The following GLIPR1L2 variants were observed in gnomAD, a reference collection of about 807,000 sequenced individuals.
GLIPR1L2 encodes GLIPR1 like 2, also known as GLIPR1-like protein 2.
GLIPR1L2 carries 21 observed loss-of-function variants against 28.4 expected under a neutral mutation model. The ratio of observed to expected loss-of-function variants is 0.74; its 90% CI spans 0.52 to 1.06. The LOEUF (loss-of-function observed/expected upper bound fraction) is 1.06. Ranked by LOEUF, GLIPR1L2 falls within the 50% of genes least tolerant of loss-of-function variation. GLIPR1L2 has a pLI of 0.00. For synonymous variants in GLIPR1L2, 145 were observed against 139.3 expected (o/e 1.04, Z -0.29); for missense variants, 476 against 416.9 (o/e 1.14, Z -1.23).
intron 1 of GLIPR1L2, among the ~76,000 whole-genome samples, chr12:75,405,797 G>C (rs902598506): frequency 3.3e-5 from 5 of 152,044 alleles, no homozygotes; most frequent in Non-Finnish European, 7.4e-5. Context: ...GAAAAGTCTT[G>C]TGAAAAGAAA....
chr12:75,397,499 T>TC (rs1412296083), intron 1 of GLIPR1L2, among the ~76,000 whole-genome samples: 1 of 152,132 alleles, frequency 6.6e-6, no homozygotes, highest in African/African-American at 2.4e-5. Flanking sequence ...TGTGAAAGAG[T>TC]CCCATATTGT....
intron 1 of GLIPR1L2, among the ~76,000 whole-genome samples, chr12:75,396,617 CTTTT>C (rs1388869497): frequency 6.6e-6 from 1 of 152,112 alleles, no homozygotes. Flanking sequence ...TTTGAGGTTT[CTTTT>C]GTTAGCTGAA....
At chr12:75,406,754 T>C (rs549682626) in intron 1 of GLIPR1L2, among the ~76,000 whole-genome samples, 1 of 101,380 alleles carries the variant, frequency 9.9e-6, no homozygotes, top group South Asian at 3.6e-4. Context: ...CAAGTCCCTA[T>C]CTCAAAAAAA....
chr12:75,429,534 T>G (rs1219978691), intron 4 of GLIPR1L2, among the ~76,000 whole-genome samples: 1 of 152,180 alleles, frequency 6.6e-6, no homozygotes. Context: ...GGAATGAGTT[T>G]AGACTTTGGG....
chr12:75,394,296 A>ACT (rs2045660326), intron 1 of GLIPR1L2, among the ~76,000 whole-genome samples: 1 of 151,832 alleles, frequency 6.6e-6, no homozygotes, highest in Non-Finnish European at 1.5e-5. Flanking sequence ...TTTTGTTGTT[A>ACT]TTGTATGTAT....
chr12:75,391,558 C>A, intron 1 of GLIPR1L2: 1 of 1,513,200 alleles, frequency 6.6e-7, no homozygotes, highest in Non-Finnish European at 8.8e-7. Context: ...TTACACAGGG[C>A]CAGGACTAAG....
In GLIPR1L2 at chr12:75,422,504, G is replaced by A. The variant is rs932483437; in HGVS notation, c.585-400G>A. 2.6e-5 allele frequency among the ~76,000 whole-genome samples: 4 copies of A among 151,924 alleles called. 1 individual carries two copies. Among genetic ancestry groups the A allele is most frequent in the South Asian group, 4.2e-4 (2 of 4,816 alleles). On this transcript the variant is annotated intron_variant, in intron 3 of 5. Coordinates refer to ENST00000550916, the MANE Select transcript of GLIPR1L2 (RefSeq NM_001270396.2). ...TTTTTGGTAGAGACAGGGTTTCACC[G>A]TGTTAGCCAGGATGGTCTCGATCTC...
At chr12:75,392,026 C>G (rs2045616880) in intron 1 of GLIPR1L2, among the ~76,000 whole-genome samples, 5 of 152,126 alleles carry the variant, frequency 3.3e-5, no homozygotes, top group Admixed American at 2.0e-4. Flanking sequence ...AACAACTCAA[C>G]TATTCCCTGG....
Position 75,391,343 on chromosome 12 carries a change from G to A in GLIPR1L2, c.227G>A (p.Arg76His), listed in dbSNP as rs1425564079. 9 of 1,613,828 alleles carry A rather than the reference G, an allele frequency of 5.6e-6. No individual in the cohort carries two copies. The highest frequency in any genetic ancestry group is 5.1e-6 in the Non-Finnish European group (6 of 1,179,712). ...GTCATTCCCCGAGGGTCTAACTTGC[G>A]CTTCATGGTGAGGCCGGAAGGCGGT... is the stretch of plus-strand genomic sequence containing the variant. ...GDVIPRGSNL[R>H]FMTWDVALSR... is the part of the protein sequence containing the mutation. The change falls in exon 1 of 6, where the codon CGC becomes CAC. Residue 76 changes from arginine to histidine, a missense_variant. By Grantham distance (29) the Arg-to-His change is conservative. Transcript: ENST00000550916.
intron 1 of GLIPR1L2, among the ~76,000 whole-genome samples, chr12:75,398,113 T>C (rs1055657288): frequency 6.6e-5 from 10 of 151,628 alleles, no homozygotes; most frequent in African/African-American, 1.2e-4. Context: ...GGCAGATCAC[T>C]TGAGGTTAGG....
rs180905364 is a variant in GLIPR1L2, at chr12:75,395,883, A to G, written c.234+4533A>G. On this transcript the variant is annotated intron_variant, in intron 1 of 5. Transcript: ENST00000550916. ...CTCTATTTTATTTATCTCTGCTTCA[A>G]TCTTTATTATTTCCTTCCTCTGGTA... 7.9e-5 allele frequency among the ~76,000 whole-genome samples: 12 copies of G among 151,538 alleles called. No individual in the cohort carries two copies. The East Asian group carries it at 1.9e-3, about 24-fold the overall frequency.
At chr12:75,421,615 G>A (rs917682301) in intron 3 of GLIPR1L2, among the ~76,000 whole-genome samples, 1 of 151,928 alleles carries the variant, frequency 6.6e-6, no homozygotes, top group Admixed American at 6.6e-5. Flanking sequence ...TTCCCTACTT[G>A]TTTTTTCTAC....
intron 4 of GLIPR1L2, among the ~76,000 whole-genome samples, chr12:75,426,772 A>G (rs1042894212): frequency 1.3e-5 from 2 of 152,242 alleles, no homozygotes; most frequent in Non-Finnish European, 2.9e-5. Flanking sequence ...AATGATGCCT[A>G]TATACCCTTA....
At chr12:75,426,615 C>T (rs770172802) in intron 4 of GLIPR1L2, among the ~76,000 whole-genome samples, 1 of 152,186 alleles carries the variant, frequency 6.6e-6, no homozygotes, top group Non-Finnish European at 1.5e-5. Flanking sequence ...AACTGTACTT[C>T]CTGGTTTCAG....
chr12:75,422,577 C>T (rs574302463), intron 3 of GLIPR1L2, among the ~76,000 whole-genome samples: 2 of 152,292 alleles, frequency 1.3e-5, no homozygotes, highest in South Asian at 2.1e-4. Flanking sequence ...GCTGGGATTA[C>T]GGGCATGAGC....
intron 3 of GLIPR1L2, among the ~76,000 whole-genome samples, chr12:75,419,077 G>A (rs2045952431): frequency 6.6e-6 from 1 of 152,076 alleles, no homozygotes; most frequent in African/African-American, 2.4e-5. Flanking sequence ...GGGTTGATGG[G>A]TGCAGCAAAC....
Position 75,423,493 on chromosome 12 carries a change from A to G in GLIPR1L2, c.670+504A>G, listed in dbSNP as rs186267797. 4.3e-5 allele frequency: 35 copies of G among 810,908 alleles called. 1 individual carries two copies. The South Asian group carries it at 1.8e-3, about 42-fold the overall frequency. 50.2% of individuals were successfully genotyped at this position (810,908 alleles called of 1,614,324 possible). On this transcript the variant is annotated intron_variant, in intron 4 of 5. Coordinates refer to ENST00000550916, the MANE Select transcript of GLIPR1L2 (RefSeq NM_001270396.2). ...TGAGAGAATATACTCCAAAAGTATA[A>G]CTGTAGCTAAAATATACAATGCTTA... is the stretch of plus-strand genomic sequence containing the variant.
intron 3 of GLIPR1L2, among the ~76,000 whole-genome samples, chr12:75,419,941 T>C (rs2045960260): frequency 6.6e-6 from 1 of 152,214 alleles, no homozygotes; most frequent in Admixed American, 6.5e-5. Flanking sequence ...TAGTTTATCT[T>C]CCTTGCTGCT....
chr12:75,425,383 A>G (rs1434375204), intron 4 of GLIPR1L2, among the ~76,000 whole-genome samples: 3 of 152,176 alleles, frequency 2.0e-5, no homozygotes, highest in African/African-American at 7.2e-5. Context: ...GGGCAATCAC[A>G]CATGAGGTGT....
Sources: gnomAD v4.1 joint callset for allele counts (sites outside exome capture counted in the v4.1 genomes callset) on GRCh38, gnomAD v4.1.1 for gene constraint, MANE v1.5 for transcripts, NCBI Gene and HGNC (gene_info 2026-07-23, HGNC 2026-07-21) for gene names.